SLC22A13: variants seen among roughly 807,000 people sequenced by gnomAD.
The protein encoded by SLC22A13 is solute carrier family 22 member 13.
Under a neutral mutation model 49.1 loss-of-function variants are expected in SLC22A13, and 42 were observed. The observed-to-expected ratio is 0.85, with a 90% CI of 0.67 to 1.11. The LOEUF is 1.11. Among genes scored for constraint, SLC22A13 ranks in the 50% least tolerant of loss-of-function variants. SLC22A13 has a pLI of 0.00. For synonymous variants in SLC22A13, 282 were observed against 293.1 expected, an observed-to-expected ratio of 0.96 and a Z score of 0.39; for missense variants, 694 against 712.8, an observed-to-expected ratio of 0.97 and a Z score of 0.30.
intron 8 of SLC22A13, 30 bp from the exon 9 acceptor site, chr3:38,276,882 T>A: frequency 6.3e-7 from 1 of 1,592,736 alleles, no homozygotes; most frequent in Non-Finnish European, 8.6e-7. Flanking sequence ...TGGGCCCAGG[T>A]CTACTTAGCT....
At position 38,274,791 on chromosome 3, in the gene SLC22A13, A is replaced by AGGGT. The variant is rs752307909; in HGVS notation, c.637+35_637+38dup. 3 of 1,597,274 alleles carry AGGGT rather than the reference A, an allele frequency of 1.9e-6. No individual in the cohort carries two copies. The East Asian group carries it at 6.7e-5, about 36-fold the overall frequency. ...TCTGGGCCCTGGAGCCTTCAGCCAT[A>AGGGT]GGGTGAGGCCCAGGGGCCTGGGAGG... On this transcript the variant is annotated intron_variant, in intron 3 of 9. Transcript: ENST00000311856.
At chr3:38,267,148 T>C (rs1703471622) in intron 1 of SLC22A13, among the ~76,000 whole-genome samples, 1 of 152,228 alleles carries the variant, frequency 6.6e-6, no homozygotes, top group South Asian at 2.1e-4. Flanking sequence ...CATTCACTTC[T>C]TCCCCACCCC....
rs752628023 is a variant in SLC22A13 at position 38,274,374 on chromosome 3, C to A, written c.481C>A (p.Arg161=). 6.2e-7 allele frequency: 1 copy of A among 1,612,678 alleles called. No individual in the cohort carries two copies. Among genetic ancestry groups the A allele is most frequent in the South Asian group, 1.1e-5 (1 of 91,074 alleles). The change falls in exon 2 of 10, where the codon CGG becomes AGG. Residue 161 remains arginine (R), a splice_region_variant and synonymous_variant. Transcript: ENST00000311856. ...GTLMFGPLCD[R]IGRKATILAQ... is the part of the protein sequence containing the mutation. ...CCTCATGTTTGGGCCCCTCTGCGAC[C>A]GGTAAGAACCTTGCCCTGCCCACTC...
Position 38,277,926 on chromosome 3 carries a change from GA to G in SLC22A13, c.*465del. 6.5e-6 allele frequency: 1 copy of G among 153,458 alleles called. No individual in the cohort carries two copies. The highest frequency in any genetic ancestry group is 1.5e-5 in the Non-Finnish European group (1 of 68,886). The allele number at this position is 153,458 out of a possible 1,614,324, so 9.5% of individuals were successfully genotyped here. ...GTGGACTCTACCCAGGCAGGTGGAT[GA>G]AAATGCTGTGGATAAAAGGAAGGTT... On this transcript the variant is annotated 3_prime_UTR_variant, in exon 10 of 10. Coordinates refer to ENST00000311856, the MANE Select transcript of SLC22A13 (RefSeq NM_004256.4).
rs753203221 is a variant in SLC22A13 at position 38,274,711 on chromosome 3, C to T, written c.590C>T (p.Ala197Val). 2 of 1,614,200 alleles carry T rather than the reference C, an allele frequency of 1.2e-6. No individual in the cohort carries two copies. Among genetic ancestry groups the T allele is most frequent in the South Asian group, 1.1e-5 (1 of 91,090 alleles). Residue 197 changes from alanine (A) to valine (V), a missense_variant, in exon 3 of 10, where the codon GCT becomes GTT. Physicochemically the swap from Ala to Val is moderately conservative, Grantham distance 64. Coordinates refer to ENST00000311856, the MANE Select transcript of SLC22A13 (RefSeq NM_004256.4). Reference sequence around the variant, plus strand: ...GAGCTCTACATGGCCCTGCGCTTTGCTGTGGCTACTGCCGTCGCTGGACTT... The same window carrying T: ...GAGCTCTACATGGCCCTGCGCTTTGTTGTGGCTACTGCCGTCGCTGGACTT... The part of the protein sequence containing the change: ...SFELYMALRF[A>V]VATAVAGLSF...
At chr3:38,275,193 G>A in intron 4 of SLC22A13, 36 bp downstream of exon 4, 3 of 1,611,696 alleles carry the variant, frequency 1.9e-6, no homozygotes, top group South Asian at 1.1e-5. Flanking sequence ...AGCCCCCCCA[G>A]GTTAGTTGTG....
chr3:38,270,531 C>G (rs890587020), intron 1 of SLC22A13: 14 of 209,842 alleles, frequency 6.7e-5, no homozygotes, highest in African/African-American at 3.2e-4. Context: ...CACTGAAAAA[C>G]TGACTAGAAA....
At chr3:38,276,489 C>A in intron 8 of SLC22A13, 94 bp downstream of exon 8, 2 of 888,772 alleles carry the variant, frequency 2.3e-6, no homozygotes, top group Non-Finnish European at 3.6e-6. Flanking sequence ...AAATAGCTGA[C>A]AGGGCTGGCT....
intron 1 of SLC22A13, among the ~76,000 whole-genome samples, chr3:38,266,902 G>A (rs1170324344): frequency 6.6e-6 from 1 of 152,204 alleles, no homozygotes; most frequent in African/African-American, 2.4e-5. Context: ...AAAGCATCCA[G>A]TCCCACTCTG....
At chr3:38,266,589 C>T (rs1203505596) in intron 1 of SLC22A13, among the ~76,000 whole-genome samples, 1 of 152,146 alleles carries the variant, frequency 6.6e-6, no homozygotes, top group African/African-American at 2.4e-5. Flanking sequence ...ATCTGTCTGT[C>T]CAGTTCTCTT....
chr3:38,274,923 G>A, intron 3 of SLC22A13, 66 bp from the exon 4 acceptor site: 1 of 1,586,748 alleles, frequency 6.3e-7, no homozygotes, highest in Admixed American at 1.7e-5. Context: ...CCACAGGGTG[G>A]CATCTAGGAG....
intron 1 of SLC22A13, among the ~76,000 whole-genome samples, chr3:38,267,044 G>A (rs1703470530): frequency 6.6e-6 from 1 of 152,202 alleles, no homozygotes; most frequent in South Asian, 2.1e-4. Context: ...GGAGTGTGAG[G>A]CAGCACAGAT....
Position 38,275,866 on chromosome 3 carries a change from C to T in SLC22A13, c.1023-16C>T. On this transcript the variant is annotated splice_polypyrimidine_tract_variant and intron_variant, in intron 6 of 9. Coordinates refer to ENST00000311856, the MANE Select transcript of SLC22A13 (RefSeq NM_004256.4). ...TCGTCACCCAGCAGTGACAGGAACC[C>T]TTCATTACCTTGTAGGTTTGTGGAC... The T allele has an allele frequency of 6.2e-7, 1 of 1,611,604 alleles. No individual in the cohort carries two copies. Among genetic ancestry groups the T allele is most frequent in the Non-Finnish European group, 8.5e-7 (1 of 1,177,926 alleles).
Position 38,277,639 on chromosome 3 carries a change from C to T in SLC22A13, c.*174C>T. 1 of 546,958 alleles carries T rather than the reference C, an allele frequency of 1.8e-6. No homozygotes were observed. Among genetic ancestry groups the T allele is most frequent in the Non-Finnish European group, 3.3e-6 (1 of 305,348 alleles). 33.9% of individuals were successfully genotyped at this position (546,958 alleles called of 1,614,324 possible). A position where few individuals can be genotyped will look rare whatever the true frequency, so the allele number is the denominator to read the frequency against. On this transcript the variant is annotated 3_prime_UTR_variant, in exon 10 of 10. Coordinates refer to ENST00000311856, the MANE Select transcript of SLC22A13 (RefSeq NM_004256.4). ...GCCGAGTCCAATCCCAGACTGGGAA[C>T]CACCATCTGAGACAGGACCTCCCGG...
intron 6 of SLC22A13, 26 bp downstream of exon 6, chr3:38,275,698 A>G (rs1467946395): frequency 4.4e-6 from 7 of 1,607,174 alleles, no homozygotes; most frequent in Non-Finnish European, 6.0e-6. Flanking sequence ...CCGAGGACAG[A>G]ACCACAGGGC....
chr3:38,270,112 T>C (rs1703504819), intron 1 of SLC22A13, among the ~76,000 whole-genome samples: 1 of 152,158 alleles, frequency 6.6e-6, no homozygotes, highest in African/African-American at 2.4e-5. Context: ...TAATCCAGTC[T>C]ATCATTTTTG....
chr3:38,275,745 C>T (rs1311858333), intron 6 of SLC22A13, 73 bp downstream of exon 6: 7 of 1,527,820 alleles, frequency 4.6e-6, no homozygotes, highest in Non-Finnish European at 6.3e-6. Context: ...GAGGGGTGGG[C>T]TGGTGGCTGT....
At chr3:38,271,192 T>C (rs1303042086) in intron 1 of SLC22A13, among the ~76,000 whole-genome samples, 2 of 152,198 alleles carry the variant, frequency 1.3e-5, no homozygotes, top group Admixed American at 6.5e-5. Flanking sequence ...TATATTTCCA[T>C]ATAGGCTGTG....
chr3:38,274,763 GTGTC>G lies in SLC22A13; in HGVS notation c.637+8_637+11del. Reference sequence around the variant, plus strand: ...GCTTCAGCAATGTCACCCTACGTGAGTGTCTGGGCCCTGGAGCCTTCAGCCATAG... The same window carrying G: ...GCTTCAGCAATGTCACCCTACGTGAGTGGGCCCTGGAGCCTTCAGCCATAG... On this transcript the variant is annotated splice_donor_region_variant and intron_variant, in intron 3 of 9. Coordinates refer to ENST00000311856, the MANE Select transcript of SLC22A13 (RefSeq NM_004256.4). The G allele has an allele frequency of 1.9e-6, 3 of 1,612,230 alleles. No homozygotes were observed. The highest frequency in any genetic ancestry group is 2.2e-5 in the East Asian group (1 of 44,862).
Sources: allele counts gnomAD v4.1 joint callset (sites outside exome capture counted in the v4.1 genomes callset), GRCh38; gene constraint gnomAD v4.1.1; transcripts MANE v1.5; gene names NCBI Gene and HGNC (gene_info 2026-07-23, HGNC 2026-07-21).